The following LDB2 variants were observed in gnomAD, a reference collection of about 807,000 sequenced individuals.
LDB2 encodes LIM domain-binding protein 2.
LDB2 carries 12 observed loss-of-function variants against 44.3 expected under a neutral mutation model. The ratio of observed to expected loss-of-function variants is 0.27; its 90% CI spans 0.17 to 0.44. LDB2 has a LOEUF of 0.44. Ranked by LOEUF, LDB2 falls within the 20% of genes least tolerant of loss-of-function variation. The probability of loss-of-function intolerance (pLI) is 1.00; values close to 1 mark genes in which losing one functional copy is unlikely to be tolerated. For missense variants in LDB2, 344 were observed against 473.5 expected, an observed-to-expected ratio of 0.73 and a Z score of 2.54; for synonymous variants, 164 against 174.8, an observed-to-expected ratio of 0.94 and a Z score of 0.49.
chr4:16,779,086 G>A (rs1007100524), intron 1 of LDB2, among the ~76,000 whole-genome samples: 9 of 152,156 alleles, frequency 5.9e-5, no homozygotes, highest in African/African-American at 1.9e-4. Flanking sequence ...AGGAAACATG[G>A]GGGAATGAAT....
chr4:16,503,007 T>TG (rs1368981329), intron 7 of LDB2, 134 bp from the exon 8 acceptor site: 14 of 1,589,778 alleles, frequency 8.8e-6, no homozygotes, highest in Non-Finnish European at 1.2e-5. Context: ...AGTCTCAATG[T>TG]CGGGGGCCGA....
intron 1 of LDB2, among the ~76,000 whole-genome samples, chr4:16,778,650 T>C (rs1002101459): frequency 1.3e-5 from 2 of 152,222 alleles, no homozygotes; most frequent in Non-Finnish European, 2.9e-5. Flanking sequence ...TACCTGTTGA[T>C]AGAAAAACAA....
chr4:16,523,134 T>C (rs1349278295), intron 5 of LDB2, among the ~76,000 whole-genome samples: 1 of 152,218 alleles, frequency 6.6e-6, no homozygotes, highest in Non-Finnish European at 1.5e-5. Context: ...TATGCATGTA[T>C]GTACATATTT....
At chr4:16,568,691 A>T (rs1181835732) in intron 5 of LDB2, among the ~76,000 whole-genome samples, 3 of 152,210 alleles carry the variant, frequency 2.0e-5, no homozygotes, top group African/African-American at 4.8e-5. Flanking sequence ...CAGAACCTAC[A>T]GATAAGAAAA....
chr4:16,897,946 G>GTA (rs35836810), intron 1 of LDB2, among the ~76,000 whole-genome samples: 3,590 of 27,258 alleles, frequency 0.13, 168 homozygotes, highest in African/African-American at 0.19. Flanking sequence ...ATACACATAT[G>GTA]TATATATATA....
At chr4:16,745,492 C>T (rs1446986050) in intron 2 of LDB2, among the ~76,000 whole-genome samples, 2 of 152,148 alleles carry the variant, frequency 1.3e-5, no homozygotes, top group Non-Finnish European at 1.5e-5. Flanking sequence ...ACAAATGTAA[C>T]AGTTCCTCTA....
intron 5 of LDB2, among the ~76,000 whole-genome samples, chr4:16,512,551 T>C (rs1722199873): frequency 6.6e-6 from 1 of 152,246 alleles, no homozygotes; most frequent in African/African-American, 2.4e-5. Flanking sequence ...CCACACGCTG[T>C]GAGTTACAAT....
At chr4:16,766,547 C>T (rs1202057584) in intron 1 of LDB2, among the ~76,000 whole-genome samples, 3 of 147,074 alleles carry the variant, frequency 2.0e-5, no homozygotes, top group Admixed American at 6.8e-5. Context: ...GCTCTGTCAC[C>T]GAGGCTGGAG....
At chr4:16,804,987 A>G (rs551486910) in intron 1 of LDB2, among the ~76,000 whole-genome samples, 45 of 152,178 alleles carry the variant, frequency 3.0e-4, no homozygotes, top group Middle Eastern at 3.4e-3. Context: ...CCTTGCTTGT[A>G]GACATCCACC....
chr4:16,669,159 C>A (rs1399360364), intron 2 of LDB2, among the ~76,000 whole-genome samples: 1 of 152,144 alleles, frequency 6.6e-6, no homozygotes, highest in Non-Finnish European at 1.5e-5. Context: ...ATATTGTAAG[C>A]AAGATATTAT....
At chr4:16,862,915 T>C (rs10939692) in intron 1 of LDB2, among the ~76,000 whole-genome samples, 85,383 of 151,930 alleles carry the variant, frequency 0.56, 24,197 homozygotes, top group East Asian at 0.85. Context: ...AGATTGGCAA[T>C]CAGGAAAAGG....
intron 2 of LDB2, among the ~76,000 whole-genome samples, chr4:16,714,887 C>T (rs558872442): frequency 6.6e-6 from 1 of 152,092 alleles, no homozygotes; most frequent in Non-Finnish European, 1.5e-5. Flanking sequence ...CTTCTGGGGA[C>T]ATCGGTCATT....
intron 1 of LDB2, among the ~76,000 whole-genome samples, chr4:16,859,201 C>A (rs1711626396): frequency 6.6e-6 from 1 of 152,164 alleles, no homozygotes; most frequent in Admixed American, 6.5e-5. Flanking sequence ...CCCTGGGAGT[C>A]CTACTCCAGA....
At chr4:16,781,648 C>G (rs1277438798) in intron 1 of LDB2, among the ~76,000 whole-genome samples, 2 of 152,108 alleles carry the variant, frequency 1.3e-5, no homozygotes, top group Admixed American at 1.3e-4. Context: ...AGTTAAGTAT[C>G]TTTTTCAGAA....
At chr4:16,755,472 GGTGTGTGTGTGTGT>G (rs58186199) in intron 2 of LDB2, among the ~76,000 whole-genome samples, 1,510 of 118,304 alleles carry the variant, frequency 0.013, 32 homozygotes, top group African/African-American at 0.043. Flanking sequence ...GTAGGAATAG[GGTGTGTGTGTGTGT>G]GTGTGTGTGT....
At chr4:16,505,500 A>G (rs1719038901) in intron 7 of LDB2, among the ~76,000 whole-genome samples, 1 of 152,210 alleles carries the variant, frequency 6.6e-6, no homozygotes, top group Admixed American at 6.5e-5. Flanking sequence ...CCTCTAGACT[A>G]GGATAGTGAT....
chr4:16,655,267 C>T (rs1373604866), intron 2 of LDB2, among the ~76,000 whole-genome samples: 4 of 152,178 alleles, frequency 2.6e-5, no homozygotes, highest in Non-Finnish European at 4.4e-5. Context: ...CAAGGTTGAT[C>T]TTTCTTGAAA....
intron 2 of LDB2, among the ~76,000 whole-genome samples, chr4:16,720,034 A>G (rs1398244737): frequency 1.3e-5 from 2 of 152,028 alleles, no homozygotes; most frequent in Non-Finnish European, 2.9e-5. Context: ...AACTATTATA[A>G]TCTCTCTTAA....
chr4:16,816,218 A>G (rs1780862361), intron 1 of LDB2, among the ~76,000 whole-genome samples: 1 of 152,244 alleles, frequency 6.6e-6, no homozygotes, highest in South Asian at 2.1e-4. Flanking sequence ...AAGATAAAAA[A>G]TTAAAAAATC....
Sources: allele counts gnomAD v4.1 joint callset (sites outside exome capture counted in the v4.1 genomes callset), GRCh38; gene constraint gnomAD v4.1.1; transcripts MANE v1.5; gene names NCBI Gene and HGNC (gene_info 2026-07-23, HGNC 2026-07-21).